The following FSCN2 variants were observed in gnomAD, a reference collection of about 807,000 sequenced individuals.
The protein encoded by FSCN2 is fascin actin-bundling protein 2, retinal, also known as fascin-2.
FSCN2 carries 46 observed loss-of-function variants against 37.8 expected under a neutral mutation model. That is an observed-to-expected ratio of 1.22 (90% CI 0.96 to 1.56). The LOEUF is 1.56. Among genes scored for constraint, FSCN2 ranks in the 40% most tolerant of loss-of-function variants. The probability of loss-of-function intolerance (pLI) is 0.00; values close to 1 mark genes in which losing one functional copy is unlikely to be tolerated. For missense variants in FSCN2, 844 were observed against 730.4 expected, an observed-to-expected ratio of 1.16 and a Z score of -1.79; for synonymous variants, 351 against 309.4, an observed-to-expected ratio of 1.13 and a Z score of -1.41.
rs2032457568 is a variant in FSCN2, at chr17:81,529,071, G to T, written c.540G>T (p.Arg180=). 1 of 1,591,350 alleles carries T rather than the reference G, an allele frequency of 6.3e-7. No homozygotes were observed. Among genetic ancestry groups the T allele is most frequent in the East Asian group, 2.3e-5 (1 of 43,746 alleles). ...ACGCCCTCCTCACCCTCATCTTCCGGAGCCGACGGTACTGCCTCAAGTCCT... is the reference window on the plus strand; with the variant it reads ...ACGCCCTCCTCACCCTCATCTTCCGTAGCCGACGGTACTGCCTCAAGTCCT... The part of the protein sequence containing the change: ...GVDALLTLIF[R]SRRYCLKSCD... The change falls in exon 1 of 5, where the codon CGG becomes CGT. Residue 180 remains arginine, a synonymous_variant. Coordinates refer to ENST00000417245, the MANE Select transcript of FSCN2 (RefSeq NM_012418.4).
chr17:81,531,342 GTGGTGATGATGGTGA>G (rs1568077195), intron 1 of FSCN2, among the ~76,000 whole-genome samples: 19 of 45,708 alleles, frequency 4.2e-4, no homozygotes, highest in Admixed American at 6.2e-4. Context: ...GGTGATGGTG[GTGGTGATGATGGTGA>G]TGGTGATGAT....
chr17:81,534,432 C>G (rs565725192), intron 1 of FSCN2, among the ~76,000 whole-genome samples: 15 of 152,136 alleles, frequency 9.9e-5, no homozygotes, highest in Non-Finnish European at 1.9e-4. Flanking sequence ...GGACTTAGTT[C>G]ACAGAAGATC....
At chr17:81,518,169 G>A in the FSCN2 span, among the ~76,000 whole-genome samples, 3 of 152,112 alleles carry the variant, frequency 2.0e-5, no homozygotes, top group Non-Finnish European at 2.9e-5. Flanking sequence ...CCTGACCACC[G>A]TCTGGCTGTT....
At chr17:81,536,325 C>T (rs1043957901) in intron 3 of FSCN2, 58 bp downstream of exon 3, 1 of 1,548,796 alleles carries the variant, frequency 6.5e-7, no homozygotes, top group Non-Finnish European at 8.7e-7. Context: ...AGGGAAAGGA[C>T]CTGCCCAGAC....
At chr17:81,529,870 C>T (rs573699360) in intron 1 of FSCN2, among the ~76,000 whole-genome samples, 168 of 152,354 alleles carry the variant, frequency 1.1e-3, no homozygotes, top group African/African-American at 3.9e-3. Flanking sequence ...AGCGCAGTGG[C>T]GTGATCTCGG....
At chr17:81,522,387 A>T in the FSCN2 span, among the ~76,000 whole-genome samples, 1 of 152,210 alleles carries the variant, frequency 6.6e-6, no homozygotes, top group Non-Finnish European at 1.5e-5. Flanking sequence ...GACCAACTTG[A>T]ATGCATGGAG....
the FSCN2 span, among the ~76,000 whole-genome samples, chr17:81,519,947 A>AG: frequency 6.6e-6 from 1 of 152,176 alleles, no homozygotes; most frequent in African/African-American, 2.4e-5. Flanking sequence ...AAGGAAAGGA[A>AG]GGGGCTGAGA....
At chr17:81,524,775 C>A (rs1263241001), upstream of FSCN2, among the ~76,000 whole-genome samples, 1 of 152,064 alleles carries the variant, frequency 6.6e-6, no homozygotes, top group Non-Finnish European at 1.5e-5. Flanking sequence ...GGGCTCCCTG[C>A]TGGGCAGCCC....
At position 81,535,070 on chromosome 17, in the gene FSCN2, A is replaced by G. The variant is rs1251579423; in HGVS notation, c.845A>G (p.Asn282Ser). 2.0e-6 allele frequency: 3 copies of G among 1,532,224 alleles called. No individual in the cohort carries two copies. In the South Asian group the frequency reaches 3.6e-5, roughly 18 times the overall value. 94.9% of individuals were successfully genotyped at this position (1,532,224 alleles called of 1,614,324 possible). Reference protein sequence around the residue: ...SVRQGVNVSANQDDELDHETF... With the variant: ...SVRQGVNVSASQDDELDHETF... ...CCTCCAGGGGTCAACGTCTCAGCCA[A>G]TCAGGATGATGAACTAGACCACGAG... The change falls in exon 2 of 5, where the codon AAT (asparagine) becomes AGT (serine). Residue 282 changes from asparagine (N) to serine (S), a missense_variant. Coordinates refer to ENST00000417245, the MANE Select transcript of FSCN2 (RefSeq NM_012418.4).
At chr17:81,530,801 CAGTGACAGGGTCCCAGG>C in intron 1 of FSCN2, 1 of 313,004 alleles carries the variant, frequency 3.2e-6, no homozygotes, top group South Asian at 2.4e-5. Context: ...CCTGTCCCAG[CAGTGACAGGGTCCCAGG>C]AGTGAGAATT....
At chr17:81,531,699 GTGATGA>G (rs1247219773) in intron 1 of FSCN2, among the ~76,000 whole-genome samples, 4 of 90,976 alleles carry the variant, frequency 4.4e-5, no homozygotes, top group African/African-American at 1.2e-4. Context: ...GATGGTGATG[GTGATGA>G]TGATAGTGAT....
At chr17:81,527,643 A>C (rs1324393519), upstream of FSCN2, 6 of 152,342 alleles carry the variant, frequency 3.9e-5, no homozygotes, top group African/African-American at 1.4e-4. Context: ...AAAGACTCCA[A>C]AGTGAAGTGA....
chr17:81,526,984 T>A (rs990788343), upstream of FSCN2: 1 of 152,358 alleles, frequency 6.6e-6, no homozygotes, highest in Non-Finnish European at 1.5e-5. Flanking sequence ...GGAGTCTCTC[T>A]GCCCCCACCC....
intron 1 of FSCN2, among the ~76,000 whole-genome samples, chr17:81,531,633 ATGG>A (rs747102548): frequency 8.6e-4 from 81 of 94,308 alleles, no homozygotes; most frequent in East Asian, 3.4e-3. Flanking sequence ...GGTGGTGGTG[ATGG>A]TGGTGGTGGT....
upstream of FSCN2, among the ~76,000 whole-genome samples, chr17:81,526,315 GACCA>G (rs1555670097): frequency 1.3e-5 from 2 of 152,220 alleles, no homozygotes; most frequent in Non-Finnish European, 2.9e-5. Flanking sequence ...ACCGCTCACG[GACCA>G]ACCGAGCTGT....
chr17:81,528,032 C>G (rs1204995230), upstream of FSCN2, among the ~76,000 whole-genome samples: 4 of 152,078 alleles, frequency 2.6e-5, no homozygotes, highest in East Asian at 7.7e-4. Context: ...CGTGAGCGTT[C>G]CACTGGACGG....
intron 1 of FSCN2, among the ~76,000 whole-genome samples, chr17:81,534,088 C>T (rs547168151): frequency 2.6e-5 from 4 of 152,348 alleles, no homozygotes; most frequent in African/African-American, 9.6e-5. Context: ...GTGCAGGGGA[C>T]ATGCCGGGTG....
intron 1 of FSCN2, among the ~76,000 whole-genome samples, chr17:81,532,620 A>G (rs1220517218): frequency 8.5e-6 from 1 of 117,376 alleles, no homozygotes; most frequent in East Asian, 2.4e-4. Flanking sequence ...GGTGATGATA[A>G]TGGTGATGAT....
upstream of FSCN2, among the ~76,000 whole-genome samples, chr17:81,525,564 A>G (rs1343164427): frequency 1.6e-5 from 2 of 125,522 alleles, no homozygotes; most frequent in Non-Finnish European, 3.5e-5. Context: ...CTACTAAAAA[A>G]TACAAAAAAA....
Sources: allele counts gnomAD v4.1 joint callset (sites outside exome capture counted in the v4.1 genomes callset), GRCh38; gene constraint gnomAD v4.1.1; transcripts MANE v1.5; gene names NCBI Gene and HGNC (gene_info 2026-07-23, HGNC 2026-07-21).